Variants in DLAT observed in about 807,000 individuals in gnomAD.
DLAT encodes the protein dihydrolipoyllysine-residue acetyltransferase component of pyruvate dehydrogenase complex, mitochondrial.
Under a neutral mutation model 68.0 loss-of-function variants are expected in DLAT, and 43 were observed. That is an observed-to-expected ratio of 0.63 (90% CI 0.50 to 0.81). The LOEUF (loss-of-function observed/expected upper bound fraction) is 0.81. DLAT is among the 40% of genes least tolerant of loss of function. DLAT has a pLI of 0.00. For missense variants in DLAT, 745 were observed against 815.4 expected (o/e 0.91, Z 1.05); for synonymous variants, 265 against 288.6 (o/e 0.92, Z 0.83).
At chr11:112,045,028 CTG>C in intron 8 of DLAT, 108 bp from the exon 9 acceptor site, 1 of 769,344 alleles carries the variant, frequency 1.3e-6, no homozygotes, top group Admixed American at 2.0e-5. Context: ...GAGCAAGACT[CTG>C]TCTCAAAAGA....
intron 11 of DLAT, among the ~76,000 whole-genome samples, chr11:112,052,187 A>G (rs1160991963): frequency 6.6e-6 from 1 of 152,206 alleles, no homozygotes; most frequent in Non-Finnish European, 1.5e-5. Context: ...ACACAGTCAC[A>G]GCACCGCTTC....
intron 5 of DLAT, among the ~76,000 whole-genome samples, chr11:112,035,491 C>CTT (rs1284403047): frequency 9.0e-5 from 13 of 143,756 alleles, no homozygotes; most frequent in Admixed American, 2.1e-4. Flanking sequence ...TTAAACACTT[C>CTT]TTTTTTTTTT....
At chr11:112,062,363 T>C in intron 13 of DLAT, 43 bp from the exon 14 acceptor site, 1 of 1,609,080 alleles carries the variant, frequency 6.2e-7, no homozygotes, top group Non-Finnish European at 8.5e-7. Flanking sequence ...TGAAATGCAG[T>C]ATTTTCTTTC....
intron 2 of DLAT, among the ~76,000 whole-genome samples, chr11:112,027,411 C>T (rs1353743292): frequency 6.6e-6 from 1 of 151,396 alleles, no homozygotes; most frequent in Admixed American, 6.6e-5. Flanking sequence ...TCCTCACTTT[C>T]CAGACTGGGC....
chr11:112,039,509 G>T, intron 7 of DLAT, 112 bp downstream of exon 7: 1 of 1,117,980 alleles, frequency 8.9e-7, no homozygotes, highest in Non-Finnish European at 1.3e-6. Context: ...GGGATAGTAG[G>T]GACAATCATT....
intron 11 of DLAT, among the ~76,000 whole-genome samples, chr11:112,055,280 G>C (rs1231576397): frequency 8.8e-6 from 1 of 113,858 alleles, no homozygotes; most frequent in Non-Finnish European, 1.6e-5. Flanking sequence ...GTCCTGCTCT[G>C]TCGCCCAGGC....
At chr11:112,044,298 G>A (rs1017204789) in intron 8 of DLAT, among the ~76,000 whole-genome samples, 3 of 152,036 alleles carry the variant, frequency 2.0e-5, no homozygotes, top group African/African-American at 7.2e-5. Flanking sequence ...GGATTCAGGC[G>A]ATTCTCATGC....
At position 112,033,608 on chromosome 11, in the gene DLAT, T is replaced by C. The variant is rs1862536941; in HGVS notation, c.787+78T>C. The C allele has an allele frequency of 3.3e-6, 5 of 1,506,278 alleles. No individual in the cohort carries two copies. In the Admixed American group the frequency reaches 8.8e-5, roughly 27 times the overall value. The allele number at this position is 1,506,278 out of a possible 1,614,324, so 93.3% of individuals were successfully genotyped here. ...AGAGGATTGCCATTCTTTCCTATAA[T>C]GAGTGAGTGATAATATGAAAACTTT... On this transcript the variant is annotated intron_variant, in intron 5 of 13. Coordinates refer to ENST00000280346, the MANE Select transcript of DLAT (RefSeq NM_001931.5).
rs77947299 is a variant in DLAT, at chr11:112,050,889, G to A, written c.1399-345G>A. Among the ~76,000 whole-genome samples, 1,132 of 152,292 alleles carry A rather than the reference G, an allele frequency of 7.4e-3. 14 individuals are homozygous for A. The highest frequency in any genetic ancestry group is 0.025 in the African/African-American group (1,057 of 41,548). The stretch of plus-strand genomic sequence containing the variant: ...TAGCAGGAAACAGCTGTAAGAGTCC[G>A]CATTTAAAAAGATGAAAGAACCAAT... On this transcript the variant is annotated intron_variant, in intron 10 of 13. Transcript: ENST00000280346.
chr11:112,027,672 C>T (rs782481776), intron 2 of DLAT, among the ~76,000 whole-genome samples: 2 of 152,316 alleles, frequency 1.3e-5, no homozygotes, highest in South Asian at 2.1e-4. Flanking sequence ...CCAAGGCTGG[C>T]GGATCACTCG....
chr11:112,038,601 T>G (rs2137759688), intron 6 of DLAT, among the ~76,000 whole-genome samples: 1 of 151,408 alleles, frequency 6.6e-6, no homozygotes, highest in East Asian at 2.0e-4. Context: ...TCCCAGCACT[T>G]TGGGAGGCTG....
At chr11:112,046,793 A>C (rs1555181530) in intron 10 of DLAT, among the ~76,000 whole-genome samples, 1 of 150,628 alleles carries the variant, frequency 6.6e-6, no homozygotes, top group African/African-American at 2.5e-5. Context: ...AAAGGACACA[A>C]ACTCATCCTT....
intron 7 of DLAT, 146 bp from the exon 8 acceptor site, chr11:112,043,320 C>G: frequency 1.3e-6 from 1 of 758,490 alleles, no homozygotes; most frequent in Non-Finnish European, 2.4e-6. Context: ...TAGGTAGCAC[C>G]TTAAGGGGTA....
chr11:112,059,187 C>T (rs73568051), intron 11 of DLAT, among the ~76,000 whole-genome samples: 3,791 of 152,164 alleles, frequency 0.025, 164 homozygotes, highest in African/African-American at 0.087. Flanking sequence ...GCTCAAACTA[C>T]TTGCAGAGAC....
In DLAT at chr11:112,033,436, C is replaced by T. The variant is rs34680691; in HGVS notation, c.693C>T (p.Thr231=). The change falls in exon 5 of 14, where the codon ACC becomes ACT. Residue 231 remains threonine, a synonymous_variant. Transcript: ENST00000280346. ...VLLPALSPTM[T]MGTVQRWEKK... is the part of the protein sequence containing the mutation. The stretch of plus-strand genomic sequence containing the variant: ...TTCCTGCCCTCTCTCCCACCATGAC[C>T]ATGGGCACAGTTCAGAGATGGGAAA... The T allele has an allele frequency of 4.8e-3, 7,773 of 1,613,858 alleles. 319 individuals carry two copies. In the African/African-American group the frequency reaches 0.088, roughly 18 times the overall value.
intron 11 of DLAT, among the ~76,000 whole-genome samples, chr11:112,054,784 G>A (rs1436193153): frequency 3.9e-5 from 6 of 152,148 alleles, no homozygotes; most frequent in African/African-American, 7.2e-5. Flanking sequence ...TTCAGCAGGG[G>A]CAATGCGTTC....
intron 11 of DLAT, among the ~76,000 whole-genome samples, chr11:112,053,131 G>A (rs1555182145): frequency 1.3e-5 from 2 of 152,028 alleles, no homozygotes; most frequent in Non-Finnish European, 2.9e-5. Flanking sequence ...AGACCAGCCT[G>A]GCCAACATGG....
intron 5 of DLAT, among the ~76,000 whole-genome samples, chr11:112,036,218 T>TG (rs1862764351): frequency 8.7e-6 from 1 of 115,268 alleles, no homozygotes; most frequent in African/African-American, 3.4e-5. Context: ...TTTTTTTTTT[T>TG]TTTTTTTTTT....
chr11:112,048,820 C>G (rs903612668), intron 10 of DLAT, among the ~76,000 whole-genome samples: 5 of 152,070 alleles, frequency 3.3e-5, no homozygotes, highest in African/African-American at 1.2e-4. Context: ...AGCCATGAGC[C>G]CCCATGCCTG....
Sources: allele counts gnomAD v4.1 joint callset (sites outside exome capture counted in the v4.1 genomes callset), GRCh38; gene constraint gnomAD v4.1.1; transcripts MANE v1.5; gene names NCBI Gene and HGNC (gene_info 2026-07-23, HGNC 2026-07-21).